PRKAG2: variants seen among roughly 807,000 people sequenced by gnomAD.
PRKAG2 encodes protein kinase AMP-activated non-catalytic subunit gamma 2.
Under a neutral mutation model 69.6 loss-of-function variants are expected in PRKAG2, and 26 were observed. That is an observed-to-expected ratio of 0.37 (90% CI 0.27 to 0.52). The LOEUF (loss-of-function observed/expected upper bound fraction) is 0.52. PRKAG2 is among the 20% of genes least tolerant of loss of function. The pLI, the probability that PRKAG2 is intolerant of heterozygous loss-of-function variation, is 0.90. For missense variants in PRKAG2, 557 were observed against 740.0 expected (o/e 0.75, Z 2.87); for synonymous variants, 293 against 285.0 (o/e 1.03, Z -0.28).
chr7:151,605,488 A>C (rs1009739860), intron 5 of PRKAG2, among the ~76,000 whole-genome samples: 2 of 151,938 alleles, frequency 1.3e-5, no homozygotes, highest in African/African-American at 4.8e-5. Context: ...TAATCCCAGC[A>C]CTTTGGGAGG....
rs181109799 is a variant in PRKAG2 at position 151,557,195 on chromosome 7, C to T, written c.*6G>A. The stretch of plus-strand genomic sequence containing the variant: ...TCTCCTCCTAGGGCGTCTACATTCA[C>T]GGCGGTCACTCCGTTTCTGTCTCCT... On this transcript the variant is annotated 3_prime_UTR_variant, in exon 16 of 16. Transcript: ENST00000287878. 4.0e-5 allele frequency: 64 copies of T among 1,614,170 alleles called. No homozygotes were observed. In the East Asian group the frequency reaches 8.0e-4, roughly 20 times the overall value.
chr7:151,795,680 C>T (rs916985143), intron 1 of PRKAG2, among the ~76,000 whole-genome samples: 4 of 151,696 alleles, frequency 2.6e-5, no homozygotes, highest in Non-Finnish European at 5.9e-5. Context: ...GGTGGGCCTC[C>T]CCCAATCCGC....
At chr7:151,677,425 C>T (rs1833112891) in intron 3 of PRKAG2, among the ~76,000 whole-genome samples, 1 of 152,238 alleles carries the variant, frequency 6.6e-6, no homozygotes, top group Admixed American at 6.5e-5. Flanking sequence ...CTCCTGACCT[C>T]AAGTGATCTG....
intron 3 of PRKAG2, among the ~76,000 whole-genome samples, chr7:151,776,735 G>A (rs2076372913): frequency 6.6e-6 from 1 of 152,252 alleles, no homozygotes; most frequent in Non-Finnish European, 1.5e-5. Flanking sequence ...CCGGGGCAGT[G>A]CAGGCACCCT....
At chr7:151,572,581 GA>G (rs1468999621) in intron 9 of PRKAG2, 82 bp downstream of exon 9, 1 of 996,668 alleles carries the variant, frequency 1.0e-6, no homozygotes, top group Admixed American at 2.0e-5. Flanking sequence ...GAGAGAAAAG[GA>G]TCTGCAAAAT....
At chr7:151,570,423 G>C (rs1471295461) in intron 9 of PRKAG2, among the ~76,000 whole-genome samples, 198 bp from the exon 10 acceptor site, 1 of 152,122 alleles carries the variant, frequency 6.6e-6, no homozygotes, top group Non-Finnish European at 1.5e-5. Context: ...CTGTTTTCAG[G>C]ATGTTGCATT....
At chr7:151,852,120 C>T (rs1283762145) in intron 1 of PRKAG2, among the ~76,000 whole-genome samples, 9 of 152,188 alleles carry the variant, frequency 5.9e-5, no homozygotes, top group African/African-American at 1.9e-4. Context: ...CAGGCTCCTA[C>T]GCAAGCCTGT....
At chr7:151,727,521 C>T (rs1030701919) in intron 3 of PRKAG2, among the ~76,000 whole-genome samples, 4 of 152,200 alleles carry the variant, frequency 2.6e-5, no homozygotes, top group African/African-American at 9.6e-5. Flanking sequence ...GGCTGATCAC[C>T]CTGCAGGCTG....
intron 5 of PRKAG2, among the ~76,000 whole-genome samples, chr7:151,628,946 T>C (rs1297499504): frequency 6.6e-6 from 1 of 152,110 alleles, no homozygotes; most frequent in Non-Finnish European, 1.5e-5. Context: ...AGCTGAGCCT[T>C]GAAGTCTTAC....
In PRKAG2 at chr7:151,669,518, T is replaced by C. The variant is rs558736371; in HGVS notation, c.684+5902A>G. Among the ~76,000 whole-genome samples the C allele has an allele frequency of 1.5e-3, 231 of 152,342 alleles. 3 individuals are homozygous for C. The South Asian group carries it at 0.043, about 28-fold the overall frequency. ...GGAATTCAGAATCCGTTTTTTTCGATTGTCCCTTAGATGTCCACGTGTTTT... is the reference window on the plus strand; with the variant it reads ...GGAATTCAGAATCCGTTTTTTTCGACTGTCCCTTAGATGTCCACGTGTTTT... On this transcript the variant is annotated intron_variant, in intron 4 of 15. Transcript: ENST00000287878.
In PRKAG2 at chr7:151,638,260, G is replaced by A. The variant is rs888497092; in HGVS notation, c.685-6122C>T. 6.6e-6 allele frequency among the ~76,000 whole-genome samples: 1 copy of A among 152,194 alleles called. No individual in the cohort carries two copies. The highest frequency in any genetic ancestry group is 1.5e-5 in the Non-Finnish European group (1 of 68,036). ...CTCTAGTGTGGTGGGAGGGAACAGA[G>A]GGACCCAAGTTGGACTTTATGGAGA... is the stretch of plus-strand genomic sequence containing the variant. On this transcript the variant is annotated intron_variant, in intron 4 of 15. Coordinates refer to ENST00000287878, the MANE Select transcript of PRKAG2 (RefSeq NM_016203.4). The surrounding 1 kb of genome is among the most constrained non-coding windows in gnomAD (Gnocchi z 4.3).
chr7:151,572,768 G>T, intron 8 of PRKAG2, 59 bp from the exon 9 acceptor site: 1 of 1,101,982 alleles, frequency 9.1e-7, no homozygotes, highest in Non-Finnish European at 1.3e-6. Context: ...AAAAATATTT[G>T]GAAAATGAAA....
At chr7:151,832,250 AGGGAGGAG>A (rs1563737851) in intron 1 of PRKAG2, among the ~76,000 whole-genome samples, 5 of 16,268 alleles carry the variant, frequency 3.1e-4, no homozygotes, top group African/African-American at 8.7e-4. Context: ...GAGGGAAGGA[AGGGAGGAG>A]GGAAGGAAGG....
chr7:151,563,227 A>AT (rs1805488586), intron 14 of PRKAG2, among the ~76,000 whole-genome samples: 1 of 152,132 alleles, frequency 6.6e-6, no homozygotes, highest in African/African-American at 2.4e-5. Flanking sequence ...AAAAACTGTT[A>AT]TTTTTTTGGT....
At chr7:151,796,871 T>C (rs931197289) in intron 1 of PRKAG2, among the ~76,000 whole-genome samples, 4 of 152,088 alleles carry the variant, frequency 2.6e-5, no homozygotes, top group African/African-American at 9.7e-5. Context: ...AGCCCTTCAT[T>C]TCTAGGACTG....
At chr7:151,837,011 G>T (rs2151882003) in intron 1 of PRKAG2, among the ~76,000 whole-genome samples, 1 of 152,004 alleles carries the variant, frequency 6.6e-6, no homozygotes, top group East Asian at 1.9e-4. Flanking sequence ...TTGAACCCCG[G>T]TTACCTCCAG....
At chr7:151,760,366 A>G (rs1344942827) in intron 3 of PRKAG2, among the ~76,000 whole-genome samples, 1 of 152,180 alleles carries the variant, frequency 6.6e-6, no homozygotes, top group Non-Finnish European at 1.5e-5. Context: ...CCTCCTGAGT[A>G]GCTGGGATTA....
chr7:151,843,819 A>T (rs1387403175), intron 1 of PRKAG2, among the ~76,000 whole-genome samples: 2 of 152,256 alleles, frequency 1.3e-5, no homozygotes, highest in African/African-American at 4.8e-5. Context: ...TTTGGTTAAG[A>T]TCGGATAGAA....
rs77328922 is a variant in PRKAG2 at position 151,781,647 on chromosome 7, C to A, written c.187-216G>T. 6.6e-6 allele frequency among the ~76,000 whole-genome samples: 1 copy of A among 152,304 alleles called. No homozygotes were observed. Among genetic ancestry groups the A allele is most frequent in the South Asian group, 2.1e-4 (1 of 4,828 alleles). ...GGCCCCTCACAGGCTGGCAGCACCA[C>A]GTCCTGGAGGTCCACTGACCATCCT... On this transcript the variant is annotated intron_variant, in intron 2 of 15. Transcript: ENST00000287878. The surrounding 1 kb of genome is among the most constrained non-coding windows in gnomAD (Gnocchi z 6.1).
Sources: gnomAD v4.1 joint callset for allele counts (sites outside exome capture counted in the v4.1 genomes callset) on GRCh38, gnomAD v4.1.1 for gene constraint, Gnocchi (gnomAD v3.1) non-coding constraint, MANE v1.5 for transcripts, NCBI Gene and HGNC (gene_info 2026-07-23, HGNC 2026-07-21) for gene names.